NUP155: variants seen among roughly 807,000 people sequenced by gnomAD.
NUP155 encodes nuclear pore complex protein Nup155.
Under a neutral mutation model 180.4 loss-of-function variants are expected in NUP155, and 71 were observed. The ratio of observed to expected loss-of-function variants is 0.39; its 90% CI spans 0.33 to 0.48. NUP155 has a LOEUF of 0.48. NUP155 is among the 20% of genes least tolerant of loss of function. The pLI is 0.91. For missense variants in NUP155, 1,553 were observed against 1,648.9 expected (o/e 0.94, Z 1.01); for synonymous variants, 582 against 559.5 (o/e 1.04, Z -0.57).
At chr5:37,332,159 C>T (rs1489652307) in intron 13 of NUP155, among the ~76,000 whole-genome samples, 1 of 85,004 alleles carries the variant, frequency 1.2e-5, no homozygotes, top group Non-Finnish European at 2.1e-5. Flanking sequence ...CTATTTATAT[C>T]AATTTAGGCA....
chr5:37,307,552 G>A (rs1743235781), intron 24 of NUP155, 120 bp from the exon 25 acceptor site: 4 of 941,926 alleles, frequency 4.2e-6, no homozygotes, highest in African/African-American at 3.3e-5. Flanking sequence ...TAGTCACCCT[G>A]CTAACATAAA....
intron 1 of NUP155, among the ~76,000 whole-genome samples, chr5:37,367,339 C>T (rs1028116174): frequency 3.3e-5 from 5 of 151,594 alleles, no homozygotes; most frequent in Non-Finnish European, 7.4e-5. Context: ...CTCAGCCTCC[C>T]GAGATGCCAG....
At position 37,328,512 on chromosome 5, in the gene NUP155, TTC is replaced by T; in HGVS notation, c.1814-94_1814-93del. 5.0e-6 allele frequency: 5 copies of T among 1,008,538 alleles called. No individual in the cohort carries two copies. In the South Asian group the frequency reaches 6.8e-5, roughly 14 times the overall value. The allele number at this position is 1,008,538 out of a possible 1,614,324, so 62.5% of individuals were successfully genotyped here. A position where few individuals can be genotyped will look rare whatever the true frequency, so the allele number is the denominator to read the frequency against. ...ATTAGGTAAAGAAGGTATTTCCTTT[TTC>T]TTTTTTTGAGGCAGGGTCTCTTTCT... On this transcript the variant is annotated intron_variant, in intron 16 of 34. Transcript: ENST00000231498.
At chr5:37,364,870 T>G in intron 1 of NUP155, among the ~76,000 whole-genome samples, 1 of 151,726 alleles carries the variant, frequency 6.6e-6, no homozygotes, top group Non-Finnish European at 1.5e-5. Context: ...TCTCCTGACC[T>G]CATGATCCGC....
At chr5:37,348,190 G>A (rs1746226638) in intron 9 of NUP155, among the ~76,000 whole-genome samples, 1 of 152,070 alleles carries the variant, frequency 6.6e-6, no homozygotes, top group Non-Finnish European at 1.5e-5. Context: ...TGTAATCTCA[G>A]CTACTAGGGA....
chr5:37,322,721 A>G (rs900483937), intron 20 of NUP155, among the ~76,000 whole-genome samples: 4 of 151,590 alleles, frequency 2.6e-5, no homozygotes, highest in African/African-American at 9.7e-5. Flanking sequence ...AAAAAAAAAA[A>G]ATCCATTATT....
chr5:37,334,885 C>T (rs1044816725), intron 12 of NUP155, among the ~76,000 whole-genome samples: 3 of 152,116 alleles, frequency 2.0e-5, no homozygotes, highest in East Asian at 1.9e-4. Context: ...ACTGGCTCGG[C>T]GAGGTGGCTC....
intron 20 of NUP155, among the ~76,000 whole-genome samples, chr5:37,318,778 A>G (rs1744068306): frequency 6.6e-6 from 1 of 152,222 alleles, no homozygotes; most frequent in Non-Finnish European, 1.5e-5. Context: ...TGAGAGCTGT[A>G]AAGAAGATAT....
At position 37,292,974 on chromosome 5, in the gene NUP155, C is replaced by A; in HGVS notation, c.3942G>T (p.Trp1314Cys). Residue 1314 changes from tryptophan (W) to cysteine (C), a missense_variant, in exon 34 of 35, where the codon TGG (tryptophan) becomes TGT (cysteine). By Grantham distance (215) the Trp-to-Cys change is radical (BLOSUM62 -2). Transcript: ENST00000231498. ...DQLFKSRDPFWNRMKKPLHLL... is the reference protein window; with the variant it reads ...DQLFKSRDPFCNRMKKPLHLL... ...GGTGCAGTGGCTTCTTCATTCTGTT[C>A]CAGAATGGATCCTATGAAGAAATAT... is the stretch of plus-strand genomic sequence containing the variant. The A allele has an allele frequency of 6.3e-7, 1 of 1,596,338 alleles. No individual in the cohort carries two copies. The highest frequency in any genetic ancestry group is 8.6e-7 in the Non-Finnish European group (1 of 1,164,140).
At chr5:37,348,641 T>A in intron 8 of NUP155, 45 bp from the exon 9 acceptor site, 1 of 1,038,888 alleles carries the variant, frequency 9.6e-7, no homozygotes, top group Non-Finnish European at 1.5e-6. Flanking sequence ...TTATATACTA[T>A]ACACATATTA....
intron 19 of NUP155, among the ~76,000 whole-genome samples, chr5:37,324,877 T>C (rs1366813067): frequency 6.6e-6 from 1 of 152,026 alleles, no homozygotes; most frequent in Non-Finnish European, 1.5e-5. Flanking sequence ...ATATTTGGAC[T>C]GGGCGTGGTG....
At chr5:37,329,948 T>C in intron 15 of NUP155, 90 bp downstream of exon 15, 1 of 923,486 alleles carries the variant, frequency 1.1e-6, no homozygotes, top group East Asian at 2.6e-5. Context: ...CACTCAACTG[T>C]TTGGCAAGGC....
In NUP155 at chr5:37,301,517, G is replaced by T. The variant is rs1283211301; in HGVS notation, c.3481C>A (p.Leu1161Ile). 3 of 1,613,286 alleles carry T rather than the reference G, an allele frequency of 1.9e-6. No individual in the cohort carries two copies. The highest frequency in any genetic ancestry group is 4.5e-5 in the East Asian group (2 of 44,870). Residue 1161 changes from leucine (L) to isoleucine (I), a missense_variant, in exon 30 of 35, where the codon CTA becomes ATA. By Grantham distance (5) the Leu-to-Ile change is conservative. Coordinates refer to ENST00000231498, the MANE Select transcript of NUP155 (RefSeq NM_153485.3). ...ARIQLQIQET[L>I]QRQYSHHSSV... Reference sequence around the variant, plus strand: ...GAATGATGGGAATACTGCCTTTGTAGTGTCTCCTGTATCTGAAGTTGGATC... The same window carrying T: ...GAATGATGGGAATACTGCCTTTGTATTGTCTCCTGTATCTGAAGTTGGATC...
intron 1 of NUP155, 131 bp from the exon 2 acceptor site, chr5:37,364,515 C>G: frequency 1.3e-6 from 1 of 789,542 alleles, no homozygotes; most frequent in Non-Finnish European, 2.2e-6. Context: ...TAGTTTTGAC[C>G]CAACACAAAG....
At chr5:37,348,634 T>C (rs755595743) in intron 8 of NUP155, 38 bp from the exon 9 acceptor site, 16 of 1,099,418 alleles carry the variant, frequency 1.5e-5, no homozygotes, top group Non-Finnish European at 2.0e-5. Context: ...AACATGATTA[T>C]ATACTATACA....
At chr5:37,355,078 T>C (rs1002650461) in intron 4 of NUP155, among the ~76,000 whole-genome samples, 2 of 150,854 alleles carry the variant, frequency 1.3e-5, no homozygotes, top group African/African-American at 4.9e-5. Flanking sequence ...GGCGACAGAA[T>C]GAGACTCCAT....
Position 37,331,672 on chromosome 5 carries a change from T to C in NUP155, c.1629+13A>G. 2.1e-6 allele frequency: 3 copies of C among 1,446,168 alleles called. No individual in the cohort carries two copies. The highest frequency in any genetic ancestry group is 2.9e-6 in the Non-Finnish European group (3 of 1,034,176). The allele number at this position is 1,446,168 out of a possible 1,614,324, so 89.6% of individuals were successfully genotyped here. On this transcript the variant is annotated intron_variant, in intron 14 of 34. Coordinates refer to ENST00000231498, the MANE Select transcript of NUP155 (RefSeq NM_153485.3). Reference sequence around the variant, plus strand: ...AAAATAGCATCACATTTTTTAAAAGTATATATAATTACCTGATGTAATTTA... The same window carrying C: ...AAAATAGCATCACATTTTTTAAAAGCATATATAATTACCTGATGTAATTTA...
At position 37,304,810 on chromosome 5, in the gene NUP155, T is replaced by G. The variant is rs374501700; in HGVS notation, c.3091A>C (p.Lys1031Gln). Residue 1031 changes from lysine to glutamine, a missense_variant, in exon 27 of 35, where the codon AAG (lysine) becomes CAG (glutamine). Lys to Gln is a moderately conservative substitution (Grantham distance 53). Coordinates refer to ENST00000231498, the MANE Select transcript of NUP155 (RefSeq NM_153485.3). ...EQMLKLSQRSKDELFSIALYN... is the reference protein window; with the variant it reads ...EQMLKLSQRSQDELFSIALYN... ...AGGGCAATACTAAAGAGCTCATCCT[T>G]GGATCGCTGTGACAATTTAAGCATT... 1.2e-6 allele frequency: 2 copies of G among 1,613,908 alleles called. No individual in the cohort carries two copies. Among genetic ancestry groups the G allele is most frequent in the Admixed American group, 1.7e-5 (1 of 59,990 alleles).
Position 37,294,312 on chromosome 5 carries a change from T to A in NUP155, c.3930+17A>T, listed in dbSNP as rs1742400585. Reference sequence around the variant, plus strand: ...AATTAAAGAAAATAATTTTATGTTATTTAATATTTTCCTTACCCGTGATTT... The same window carrying A: ...AATTAAAGAAAATAATTTTATGTTAATTAATATTTTCCTTACCCGTGATTT... On this transcript the variant is annotated intron_variant, in intron 33 of 34. Transcript: ENST00000231498. 7 of 1,473,916 alleles carry A rather than the reference T, an allele frequency of 4.7e-6. No homozygotes were observed. In the East Asian group the frequency reaches 1.7e-4, roughly 36 times the overall value. 91.3% of individuals were successfully genotyped at this position (1,473,916 alleles called of 1,614,324 possible).
Sources: gnomAD v4.1 joint callset for allele counts (sites outside exome capture counted in the v4.1 genomes callset) on GRCh38, gnomAD v4.1.1 for gene constraint, MANE v1.5 for transcripts, NCBI Gene and HGNC (gene_info 2026-07-23, HGNC 2026-07-21) for gene names.